Variants in SASH1 observed in about 807,000 individuals in gnomAD.
The protein encoded by SASH1 is SAM and SH3 domain-containing protein 1.
In SASH1, 44 loss-of-function variants were observed where a neutral mutation model predicts 125.2. That is an observed-to-expected ratio of 0.35 (90% CI 0.28 to 0.45). The LOEUF (loss-of-function observed/expected upper bound fraction) is 0.45, where lower values mean the gene tolerates loss of function less well. Ranked by LOEUF, SASH1 falls within the 20% of genes least tolerant of loss-of-function variation. The pLI is 1.00. For synonymous variants in SASH1, 639 were observed against 649.1 expected (o/e 0.98, Z 0.24); for missense variants, 1,426 against 1,614.5 (o/e 0.88, Z 2.00).
the SASH1 span, among the ~76,000 whole-genome samples, chr6:148,237,400 T>G: frequency 6.6e-6 from 1 of 152,188 alleles, no homozygotes; most frequent in Admixed American, 6.5e-5. Flanking sequence ...ACTACATTAC[T>G]CTCTATCTAT....
At chr6:148,415,808 C>T (rs1340841473) in intron 2 of SASH1, among the ~76,000 whole-genome samples, 2 of 152,196 alleles carry the variant, frequency 1.3e-5, no homozygotes, top group Non-Finnish European at 2.9e-5. Context: ...AAACTACCCG[C>T]AAACCTCTTA....
chr6:148,396,409 C>T (rs1783951384), intron 2 of SASH1, among the ~76,000 whole-genome samples: 1 of 132,244 alleles, frequency 7.6e-6, no homozygotes, highest in Admixed American at 9.1e-5. Context: ...ACCCAGGAGG[C>T]GAGGTTGCAG....
intron 1 of SASH1, among the ~76,000 whole-genome samples, chr6:148,351,191 G>GTTTTTTT (rs67285564): frequency 9.8e-6 from 1 of 102,156 alleles, no homozygotes; most frequent in Admixed American, 1.1e-4. Flanking sequence ...TGCGATAGTA[G>GTTTTTTT]TTTTTTTTTT....
At chr6:148,209,095 T>C in the SASH1 span, among the ~76,000 whole-genome samples, 1 of 152,248 alleles carries the variant, frequency 6.6e-6, no homozygotes, top group Non-Finnish European at 1.5e-5. Flanking sequence ...TCTCCACTAA[T>C]GCATGTATTG....
intron 1 of SASH1, among the ~76,000 whole-genome samples, chr6:148,319,655 C>T (rs1239034593): frequency 6.6e-6 from 1 of 152,104 alleles, no homozygotes; most frequent in Non-Finnish European, 1.5e-5. Context: ...GCTGGGATTG[C>T]AGGCATGCGC....
chr6:148,365,062 G>C (rs1410274146), intron 1 of SASH1, among the ~76,000 whole-genome samples: 1 of 151,920 alleles, frequency 6.6e-6, no homozygotes, highest in East Asian at 1.9e-4. Flanking sequence ...GGCGGAGGTT[G>C]CAGTGAGCTG....
At chr6:148,382,880 T>C (rs1783201363) in intron 1 of SASH1, among the ~76,000 whole-genome samples, 1 of 152,246 alleles carries the variant, frequency 6.6e-6, no homozygotes, top group African/African-American at 2.4e-5. Flanking sequence ...CCTATGGGTG[T>C]GCCCCTGGGG....
upstream of SASH1, among the ~76,000 whole-genome samples, chr6:148,271,847 G>A (rs993538108): frequency 2.0e-5 from 3 of 152,126 alleles, no homozygotes; most frequent in Admixed American, 1.3e-4. Flanking sequence ...CTTGAGCCAA[G>A]AAAACTCTGA....
At chr6:148,406,075 G>T (rs913158793) in intron 2 of SASH1, among the ~76,000 whole-genome samples, 1 of 152,192 alleles carries the variant, frequency 6.6e-6, no homozygotes, top group Admixed American at 6.5e-5. Flanking sequence ...GCAGGGTAGG[G>T]CAGGGCTGTA....
chr6:148,444,503 A>G (rs896190957), intron 4 of SASH1, among the ~76,000 whole-genome samples: 6 of 152,166 alleles, frequency 3.9e-5, no homozygotes, highest in Admixed American at 1.3e-4. Flanking sequence ...GTGATAGGTA[A>G]GTAGGTGTGT....
At chr6:148,363,158 G>A (rs1782307636) in intron 1 of SASH1, among the ~76,000 whole-genome samples, 1 of 152,192 alleles carries the variant, frequency 6.6e-6, no homozygotes, top group African/African-American at 2.4e-5. Flanking sequence ...TAAACACAGG[G>A]CTGCCCTGCC....
At chr6:148,251,411 GCA>G in the SASH1 span, among the ~76,000 whole-genome samples, 7 of 152,144 alleles carry the variant, frequency 4.6e-5, no homozygotes, top group East Asian at 1.3e-3. Flanking sequence ...CTATAAGAGT[GCA>G]CAGTTTCTAG....
the SASH1 span, among the ~76,000 whole-genome samples, chr6:148,201,241 A>G: frequency 3.9e-5 from 6 of 152,346 alleles, no homozygotes; most frequent in East Asian, 7.7e-4. Flanking sequence ...CATGTGCTAG[A>G]AACTGTGCTA....
chr6:148,541,290 C>G (rs372323564), intron 17 of SASH1, among the ~76,000 whole-genome samples: 1 of 150,870 alleles, frequency 6.6e-6, no homozygotes, highest in East Asian at 1.9e-4. Context: ...TATCTAGTAG[C>G]CCATGTGTTA....
chr6:148,491,095 G>A (rs888715601), intron 8 of SASH1, among the ~76,000 whole-genome samples: 4 of 152,104 alleles, frequency 2.6e-5, no homozygotes, highest in Non-Finnish European at 5.9e-5. Context: ...TGTTAAACTG[G>A]CTTTATAGAT....
chr6:148,532,693 T>C lies in SASH1; in HGVS notation c.1565-104T>C. The C allele has an allele frequency of 7.3e-7, 1 of 1,369,732 alleles. No individual in the cohort carries two copies. The highest frequency in any genetic ancestry group is 1.0e-6 in the Non-Finnish European group (1 of 987,610). 84.8% of individuals were successfully genotyped at this position (1,369,732 alleles called of 1,614,324 possible). On this transcript the variant is annotated intron_variant, in intron 13 of 19. Transcript: ENST00000367467. This position sits in a 1 kb window ranked among gnomAD's most constrained non-coding sequence, Gnocchi z 4.7. ...GAGGGTTGTGGCTCAAGGCTTCCTT[T>C]CTCTGGGCCTTCATTTCCTAATCTG...
chr6:148,514,066 C>T (rs1780296265), intron 8 of SASH1: 1 of 1,197,526 alleles, frequency 8.4e-7, no homozygotes, highest in African/African-American at 1.6e-5. Flanking sequence ...GACAGATGCC[C>T]CCACAGGCCA....
chr6:148,279,371 A>G (rs917662179), intron 1 of SASH1, among the ~76,000 whole-genome samples: 11 of 152,196 alleles, frequency 7.2e-5, no homozygotes, highest in Non-Finnish European at 1.5e-4. Flanking sequence ...ATGAGATTTA[A>G]TGAATGTAAA....
Position 148,284,979 on chromosome 6 carries a change from A to T in SASH1, n.74+12602A>T, listed in dbSNP as rs375871071. Reference sequence around the variant, plus strand: ...TATTTAATACTTTTTCAAACAAAACAAACAAACCAACAAGTGCATGCCCAT... The same window carrying T: ...TATTTAATACTTTTTCAAACAAAACTAACAAACCAACAAGTGCATGCCCAT... On this transcript the variant is annotated intron_variant and non_coding_transcript_variant, in intron 1 of 3. Transcript: ENST00000367469. Among the ~76,000 whole-genome samples, 39 of 152,314 alleles carry T rather than the reference A, an allele frequency of 2.6e-4. 1 individual carries two copies. In the South Asian group the frequency reaches 7.7e-3, roughly 30 times the overall value.
Sources: gnomAD v4.1 joint callset for allele counts (sites outside exome capture counted in the v4.1 genomes callset) on GRCh38, gnomAD v4.1.1 for gene constraint, Gnocchi (gnomAD v3.1) non-coding constraint, MANE v1.5 for transcripts, NCBI Gene and HGNC (gene_info 2026-07-23, HGNC 2026-07-21) for gene names.